Variants in MAF observed in about 807,000 individuals in gnomAD.
MAF encodes the protein MAF bZIP transcription factor.
In MAF, 10 loss-of-function variants were observed where a neutral mutation model predicts 22.0. The ratio of observed to expected loss-of-function variants is 0.45; its 90% CI spans 0.28 to 0.77. The LOEUF is 0.77. MAF is among the 30% of genes least tolerant of loss of function. The pLI is 0.12. For synonymous variants in MAF, 337 were observed against 255.8 expected (o/e 1.32, Z -3.03); for missense variants, 544 against 548.4 (o/e 0.99, Z 0.08).
At chr16:79,581,950 G>A (rs1195125411), downstream of MAF, among the ~76,000 whole-genome samples, 1 of 152,008 alleles carries the variant, frequency 6.6e-6, no homozygotes, top group East Asian at 1.9e-4. Flanking sequence ...CCTTCCATTT[G>A]GTATTAGTTC....
the MAF span, among the ~76,000 whole-genome samples, chr16:79,504,951 A>T: frequency 1.3e-5 from 2 of 152,136 alleles, no homozygotes; most frequent in Admixed American, 6.5e-5. Context: ...AGGGGTGTCC[A>T]ATTCTGTTTG....
At chr16:79,212,491 G>A in the MAF span, 2 of 218,938 alleles carry the variant, frequency 9.1e-6, no homozygotes, top group Non-Finnish European at 1.8e-5. Context: ...TGAAAGGCAG[G>A]AAGGGAAGCG....
chr16:79,224,270 T>G, the MAF span, among the ~76,000 whole-genome samples: 1 of 152,204 alleles, frequency 6.6e-6, no homozygotes, highest in African/African-American at 2.4e-5. Flanking sequence ...CACATGATTC[T>G]CGCAATAGAT....
chr16:79,250,367 T>G, the MAF span, among the ~76,000 whole-genome samples: 1 of 152,262 alleles, frequency 6.6e-6, no homozygotes, highest in South Asian at 2.1e-4. Context: ...AAGGTCAAAC[T>G]GACCTCTCCG....
the MAF span, chr16:79,205,964 G>T: frequency 6.6e-6 from 1 of 152,160 alleles, no homozygotes; most frequent in African/African-American, 2.4e-5. Context: ...CAAAGAGTAG[G>T]TTTCTTAGTT....
chr16:79,215,461 GAGAA>G, the MAF span, among the ~76,000 whole-genome samples: 2 of 152,274 alleles, frequency 1.3e-5, no homozygotes, highest in East Asian at 3.9e-4. Flanking sequence ...GTAAAGCCAC[GAGAA>G]AGAAGATATT....
the MAF span, among the ~76,000 whole-genome samples, chr16:79,321,797 C>T: frequency 2.8e-3 from 425 of 152,030 alleles, 1 homozygote; most frequent in Non-Finnish European, 4.3e-3. Context: ...ACTACAGGTG[C>T]CCACCACCAC....
the MAF span, among the ~76,000 whole-genome samples, chr16:79,523,972 G>T: frequency 6.6e-6 from 1 of 152,102 alleles, no homozygotes; most frequent in Non-Finnish European, 1.5e-5. Context: ...ATGATCCTGT[G>T]ATCATCGGCA....
intron 1 of MAF, among the ~76,000 whole-genome samples, chr16:79,586,855 G>C (rs1912874506): frequency 6.6e-6 from 1 of 152,198 alleles, no homozygotes; most frequent in Non-Finnish European, 1.5e-5. Flanking sequence ...CATGGTCACA[G>C]AAAATCTGTG....
At chr16:79,341,225 G>C in the MAF span, among the ~76,000 whole-genome samples, 2 of 152,244 alleles carry the variant, frequency 1.3e-5, no homozygotes, top group African/African-American at 4.8e-5. Flanking sequence ...GAGAGACAAT[G>C]TAGTGTGGGT....
At chr16:79,219,052 G>C in the MAF span, among the ~76,000 whole-genome samples, 3 of 152,202 alleles carry the variant, frequency 2.0e-5, no homozygotes, top group Non-Finnish European at 4.4e-5. Context: ...AGAAAGAAGT[G>C]TCTTGCCTCT....
At chr16:79,586,553 T>C (rs761182177) in intron 1 of MAF, among the ~76,000 whole-genome samples, 4 of 152,236 alleles carry the variant, frequency 2.6e-5, no homozygotes, top group Non-Finnish European at 5.9e-5. Context: ...AGGGAGTGCT[T>C]AGAACGGTGA....
At chr16:79,270,877 G>C in the MAF span, among the ~76,000 whole-genome samples, 1 of 150,080 alleles carries the variant, frequency 6.7e-6, no homozygotes, top group Non-Finnish European at 1.5e-5. Context: ...CCTCTAATTT[G>C]TGAGTACAAA....
chr16:79,446,143 A>T, the MAF span, among the ~76,000 whole-genome samples: 1 of 152,176 alleles, frequency 6.6e-6, no homozygotes, highest in African/African-American at 2.4e-5. Context: ...CTGTTATTTT[A>T]TCTCATTTTC....
the MAF span, among the ~76,000 whole-genome samples, chr16:79,529,910 G>A: frequency 2.3e-4 from 31 of 135,666 alleles, no homozygotes; most frequent in Non-Finnish European, 3.4e-4. Flanking sequence ...GCAGTGATCC[G>A]AGACTACACT....
At chr16:79,217,538 C>T in the MAF span, among the ~76,000 whole-genome samples, 2 of 152,130 alleles carry the variant, frequency 1.3e-5, no homozygotes, top group Admixed American at 6.6e-5. Context: ...CTCAATAGGC[C>T]CTCTCTCCTG....
At chr16:79,333,068 T>A in the MAF span, among the ~76,000 whole-genome samples, 3 of 151,908 alleles carry the variant, frequency 2.0e-5, no homozygotes, top group South Asian at 6.2e-4. Flanking sequence ...CTGAAGAGAG[T>A]CAGCATAAGG....
At chr16:79,559,649 G>C in the MAF span, among the ~76,000 whole-genome samples, 4,046 of 152,056 alleles carry the variant, frequency 0.027, 115 homozygotes, top group African/African-American at 0.073. Context: ...AAAAAAAACT[G>C]CTGTACATTA....
the MAF span, among the ~76,000 whole-genome samples, chr16:79,361,470 A>G: frequency 2.0e-5 from 3 of 152,200 alleles, no homozygotes; most frequent in African/African-American, 7.2e-5. Flanking sequence ...TAATAAGAAC[A>G]TAGCAGGTTA....
Sources: gnomAD v4.1 joint callset for allele counts (sites outside exome capture counted in the v4.1 genomes callset) on GRCh38, gnomAD v4.1.1 for gene constraint, MANE v1.5 for transcripts, NCBI Gene and HGNC (gene_info 2026-07-23, HGNC 2026-07-21) for gene names.